The following PRDM9 variants were observed in gnomAD, a reference collection of about 807,000 sequenced individuals.
PRDM9 encodes the protein PR/SET domain 9.
Under a neutral mutation model 55.6 loss-of-function variants are expected in PRDM9, and 47 were observed. That is an observed-to-expected ratio of 0.85 (90% CI 0.67 to 1.08). The LOEUF (loss-of-function observed/expected upper bound fraction) is 1.08, where lower values mean the gene tolerates loss of function less well. Ranked by LOEUF, PRDM9 falls within the 50% of genes least tolerant of loss-of-function variation. The pLI is 0.00. For synonymous variants in PRDM9, 312 were observed against 375.7 expected, an observed-to-expected ratio of 0.83 and a Z score of 1.96; for missense variants, 867 against 1,040.3, an observed-to-expected ratio of 0.83 and a Z score of 2.29.
intron 4 of PRDM9, among the ~76,000 whole-genome samples, chr5:23,511,026 G>A (rs1739085387): frequency 6.6e-6 from 1 of 151,542 alleles, no homozygotes; most frequent in Non-Finnish European, 1.5e-5. Flanking sequence ...TGTGGTGGTG[G>A]GTGCCTATAA....
chr5:23,511,638 A>T (rs1424307203), intron 4 of PRDM9, among the ~76,000 whole-genome samples: 3 of 152,140 alleles, frequency 2.0e-5, no homozygotes, highest in African/African-American at 7.2e-5. Flanking sequence ...GAGCCACCAC[A>T]CCTGGCCTCA....
intron 4 of PRDM9, among the ~76,000 whole-genome samples, chr5:23,514,667 T>C (rs1464864403): frequency 1.3e-5 from 2 of 152,048 alleles, no homozygotes; most frequent in East Asian, 1.9e-4. Context: ...CTCAAACTCC[T>C]GGCCTCAAAT....
intron 1 of PRDM9, among the ~76,000 whole-genome samples, chr5:23,508,000 G>A (rs749706681): frequency 4.5e-4 from 68 of 152,016 alleles, no homozygotes; most frequent in Non-Finnish European, 7.1e-4. Context: ...TCAGCCTGAG[G>A]AACCCTAAAT....
At chr5:23,525,204 T>C (rs950514823) in intron 10 of PRDM9, among the ~76,000 whole-genome samples, 5 of 152,284 alleles carry the variant, frequency 3.3e-5, no homozygotes, top group Middle Eastern at 3.4e-3. Context: ...GGGCCAAGGG[T>C]TCCAGGCACA....
At chr5:23,511,839 T>C (rs554909036) in intron 4 of PRDM9, among the ~76,000 whole-genome samples, 300 of 152,308 alleles carry the variant, frequency 2.0e-3, no homozygotes, top group African/African-American at 6.8e-3. Context: ...TATTTTTGTT[T>C]TTAAATTTTG....
Position 23,527,583 on chromosome 5 carries a change from A to G in PRDM9, c.2495A>G (p.Tyr832Cys), listed in dbSNP as rs764712803. ...AGGACACACACAGGGGAGAAGCCCTATGTCTGCAGGGAGTGTGGGCGGGGC... is the reference window on the plus strand; with the variant it reads ...AGGACACACACAGGGGAGAAGCCCTGTGTCTGCAGGGAGTGTGGGCGGGGC... Reference protein sequence around the residue: ...HQRTHTGEKPYVCRECGRGFR... With the variant: ...HQRTHTGEKPCVCRECGRGFR... The change falls in exon 11 of 11, where the codon TAT becomes TGT. Residue 832 changes from tyrosine (Y) to cysteine (C), a missense_variant. Around this residue, in one of 5 missense-constraint regions of PRDM9, gnomAD observed 92 missense variants for 185.7 expected, o/e 0.50. Transcript: ENST00000296682. 4 of 1,541,568 alleles carry G rather than the reference A, an allele frequency of 2.6e-6. No individual in the cohort carries two copies. The highest frequency in any genetic ancestry group is 2.5e-5 in the East Asian group (1 of 40,158).
At chr5:23,517,134 C>T (rs1175409250) in intron 4 of PRDM9, among the ~76,000 whole-genome samples, 1 of 128,468 alleles carries the variant, frequency 7.8e-6, no homozygotes, top group Non-Finnish European at 1.6e-5. Context: ...GCCTGGGCGA[C>T]AGAGCGAGAC....
Position 23,509,998 on chromosome 5 carries a change from C to A in PRDM9, c.272C>A (p.Ser91Tyr), listed in dbSNP as rs201761413. The A allele has an allele frequency of 5.0e-6, 8 of 1,611,262 alleles. No individual in the cohort carries two copies. In the African/African-American group the frequency reaches 1.1e-4, roughly 22 times the overall value. ...IKLQVDDTEDSDEEWTPRQQV... is the reference protein window; with the variant it reads ...IKLQVDDTEDYDEEWTPRQQV... Reference sequence around the variant, plus strand: ...CTCCAGGTGGATGACACAGAAGATTCTGATGAAGAATGGACCCCTAGGCAG... The same window carrying A: ...CTCCAGGTGGATGACACAGAAGATTATGATGAAGAATGGACCCCTAGGCAG... Residue 91 changes from serine (S) to tyrosine (Y), a missense_variant, in exon 4 of 11, where the codon TCT (serine) becomes TAT (tyrosine). Transcript: ENST00000296682.
chr5:23,527,710 C>G lies in PRDM9; in HGVS notation c.2622C>G (p.Ser874Arg), dbSNP rs376505927. Residue 874 changes from serine (S) to arginine (R), a missense_variant, in exon 11 of 11, where the codon AGC (serine) becomes AGG (arginine). Ser to Arg is a moderately radical substitution (Grantham distance 110). Transcript: ENST00000296682. ...ECGRGFSDRSSLCYHQRTHTG... is the reference protein window; with the variant it reads ...ECGRGFSDRSRLCYHQRTHTG... Reference sequence around the variant, plus strand: ...GGCGGGGCTTTAGCGATAGGTCAAGCCTCTGCTATCACCAGAGGACACACA... The same window carrying G: ...GGCGGGGCTTTAGCGATAGGTCAAGGCTCTGCTATCACCAGAGGACACACA... 4 of 1,598,772 alleles carry G rather than the reference C, an allele frequency of 2.5e-6. No homozygotes were observed. The highest frequency in any genetic ancestry group is 2.2e-5 in the South Asian group (2 of 90,012).
rs1739370330 is a variant in PRDM9, at chr5:23,523,283, A to C, written c.883-8A>C. 6.2e-7 allele frequency: 1 copy of C among 1,613,084 alleles called. No individual in the cohort carries two copies. ...AAAAAGCCTTTGCCTTGTTTTTCTGAAACTCAGATCACCAAGGGGAGAAAC... is the reference window on the plus strand; with the variant it reads ...AAAAAGCCTTTGCCTTGTTTTTCTGCAACTCAGATCACCAAGGGGAGAAAC... On this transcript the variant is annotated splice_polypyrimidine_tract_variant and splice_region_variant and intron_variant, in intron 8 of 10. Transcript: ENST00000296682.
At chr5:23,514,063 A>T (rs1739153482) in intron 4 of PRDM9, among the ~76,000 whole-genome samples, 1 of 152,188 alleles carries the variant, frequency 6.6e-6, no homozygotes, top group Non-Finnish European at 1.5e-5. Context: ...TCATAACAGG[A>T]TAAGTGACAT....
rs1739047399 is a variant in PRDM9, at chr5:23,509,480, C to T, written c.80C>T (p.Ala27Val). The change falls in exon 3 of 11, where the codon GCC (alanine) becomes GTC (valine). Residue 27 changes from alanine to valine, a missense_variant. Coordinates refer to ENST00000296682, the MANE Select transcript of PRDM9 (RefSeq NM_020227.4). ...RTERKPMVKD[A>V]FKDISIYFTK... ...TGTTACTTCCTCTAGGTCAAAGATG[C>T]CTTCAAAGACATTTCCATATACTTC... 3 of 1,614,110 alleles carry T rather than the reference C, an allele frequency of 1.9e-6. No individual in the cohort carries two copies. In the South Asian group the frequency reaches 3.3e-5, roughly 18 times the overall value.
Position 23,525,040 on chromosome 5 carries a change from A to G in PRDM9, c.1144+513A>G, listed in dbSNP as rs137923560. On this transcript the variant is annotated intron_variant, in intron 10 of 10. Coordinates refer to ENST00000296682, the MANE Select transcript of PRDM9 (RefSeq NM_020227.4). ...GGGAACCATATGATTACATACAGAC[A>G]TATGTGTAATATCAGACAGTGATTA... is the stretch of plus-strand genomic sequence containing the variant. Among the ~76,000 whole-genome samples the G allele has an allele frequency of 4.1e-3, 622 of 152,362 alleles. 4 individuals carry two copies. Among genetic ancestry groups the G allele is most frequent in the Non-Finnish European group, 7.4e-3 (503 of 68,038 alleles).
chr5:23,512,761 A>G (rs925856064), intron 4 of PRDM9, among the ~76,000 whole-genome samples: 11 of 152,134 alleles, frequency 7.2e-5, no homozygotes, highest in Admixed American at 6.5e-4. Flanking sequence ...CCCTATACCC[A>G]TTGAACAATA....
At chr5:23,512,786 C>G (rs936677449) in intron 4 of PRDM9, among the ~76,000 whole-genome samples, 5 of 152,184 alleles carry the variant, frequency 3.3e-5, no homozygotes, top group African/African-American at 7.2e-5. Context: ...CCCATTTCCT[C>G]CTCCCTGCAG....
chr5:23,526,103 G>A, intron 10 of PRDM9, 130 bp from the exon 11 acceptor site: 1 of 1,107,664 alleles, frequency 9.0e-7, no homozygotes, highest in Non-Finnish European at 1.4e-6. Flanking sequence ...GGTCCATCCA[G>A]CACTTGGTGG....
At chr5:23,511,589 A>G (rs1579588672) in intron 4 of PRDM9, among the ~76,000 whole-genome samples, 1 of 151,834 alleles carries the variant, frequency 6.6e-6, no homozygotes, top group African/African-American at 2.4e-5. Flanking sequence ...ACCTCAGTCC[A>G]CCCGCCTTGG....
At position 23,523,281 on chromosome 5, in the gene PRDM9, T is replaced by C. The variant is rs1739370281; in HGVS notation, c.883-10T>C. On this transcript the variant is annotated splice_polypyrimidine_tract_variant and intron_variant, in intron 8 of 10. Transcript: ENST00000296682. ...CTAAAAAGCCTTTGCCTTGTTTTTC[T>C]GAAACTCAGATCACCAAGGGGAGAA... 1 of 1,612,966 alleles carries C rather than the reference T, an allele frequency of 6.2e-7. No homozygotes were observed. Among genetic ancestry groups the C allele is most frequent in the East Asian group, 2.2e-5 (1 of 44,860 alleles).
chr5:23,527,845 C>T lies in PRDM9; in HGVS notation c.*72C>T. On this transcript the variant is annotated 3_prime_UTR_variant, in exon 11 of 11. Coordinates refer to ENST00000296682, the MANE Select transcript of PRDM9 (RefSeq NM_020227.4). Reference sequence around the variant, plus strand: ...GTGGTCACCACACACTTGCACACCCCAGCTGTGAGGTGGCTTCAGCGGAAG... The same window carrying T: ...GTGGTCACCACACACTTGCACACCCTAGCTGTGAGGTGGCTTCAGCGGAAG... 6.3e-7 allele frequency: 1 copy of T among 1,589,266 alleles called. No individual in the cohort carries two copies. Among genetic ancestry groups the T allele is most frequent in the Non-Finnish European group, 8.6e-7 (1 of 1,161,312 alleles).
Sources: gnomAD v4.1 joint callset for allele counts (sites outside exome capture counted in the v4.1 genomes callset) on GRCh38, gnomAD v4.1.1 for gene constraint, gnomAD v4.1.1 regional missense constraint, MANE v1.5 for transcripts, NCBI Gene and HGNC (gene_info 2026-07-23, HGNC 2026-07-21) for gene names.